The following GAREM2 variants were observed in gnomAD, a reference collection of about 807,000 sequenced individuals.
The protein encoded by GAREM2 is GRB2 associated regulator of MAPK1 subtype 2, also known as GRB2-associated and regulator of MAPK protein 2.
Under a neutral mutation model 55.6 loss-of-function variants are expected in GAREM2, and 30 were observed. That is an observed-to-expected ratio of 0.54 (90% CI 0.40 to 0.73). The LOEUF (loss-of-function observed/expected upper bound fraction) is 0.73, where lower values mean the gene tolerates loss of function less well. Among genes scored for constraint, GAREM2 ranks in the 30% least tolerant of loss-of-function variants. The pLI is 0.00. For synonymous variants in GAREM2, 550 were observed against 569.1 expected (o/e 0.97, Z 0.48); for missense variants, 1,075 against 1,257.7 (o/e 0.85, Z 2.20).
intron 2 of GAREM2, among the ~76,000 whole-genome samples, chr2:26,180,140 C>T (rs1049142264): frequency 5.3e-5 from 8 of 152,144 alleles, no homozygotes; most frequent in Admixed American, 1.3e-4. Context: ...GGGGCTCCCC[C>T]GCCAGCGTTC....
In GAREM2 at chr2:26,185,022, C is replaced by G. The variant is rs1307973165; in HGVS notation, c.1174C>G (p.Arg392Gly). The G allele has an allele frequency of 8.9e-7, 1 of 1,118,126 alleles. No homozygotes were observed. The highest frequency in any genetic ancestry group is 1.1e-6 in the Non-Finnish European group (1 of 915,934). 69.3% of individuals were successfully genotyped at this position (1,118,126 alleles called of 1,614,324 possible). Residue 392 changes from arginine to glycine, a missense_variant, in exon 4 of 6, where the codon CGC becomes GGC. Physicochemically the swap from Arg to Gly is moderately radical, Grantham distance 125. Around this residue, in one of 6 missense-constraint regions of GAREM2, gnomAD observed 515 missense variants for 501.5 expected, o/e 1.03. Transcript: ENST00000401533. ...LPAPRAPGLA[R>G]APGPLAPAPA... Reference sequence around the variant, plus strand: ...CGCGCCGCGCGCCCCCGGGCTCGCCCGCGCCCCCGGCCCGCTAGCGCCGGC... The same window carrying G: ...CGCGCCGCGCGCCCCCGGGCTCGCCGGCGCCCCCGGCCCGCTAGCGCCGGC...
Position 26,187,957 on chromosome 2 carries a change from AG to A in GAREM2, c.2328del (p.Arg777AlafsTer52), listed in dbSNP as rs1669343292. On this transcript the variant is annotated frameshift_variant, in exon 6 of 6. Transcript: ENST00000401533. LOFTEE classifies it high-confidence loss of function. ...EAGGALFLTQ[G>X]RLEGPPASPR... ...CGGGAGGAGCACTTTTTCTAACCCA[AG>A]GGCGCCTGGAAGGGCCTCCTGCCAG... 6.9e-7 allele frequency: 1 copy of A among 1,453,472 alleles called. No homozygotes were observed. 90.0% of individuals were successfully genotyped at this position (1,453,472 alleles called of 1,614,324 possible). A position where few individuals can be genotyped will look rare whatever the true frequency, so the allele number is the denominator to read the frequency against.
chr2:26,202,568 C>T, the GAREM2 span, among the ~76,000 whole-genome samples: 16 of 152,246 alleles, frequency 1.1e-4, no homozygotes, highest in East Asian at 3.1e-3. Flanking sequence ...TGGTGAAATC[C>T]CGTCTCTATA....
intron 1 of GAREM2, among the ~76,000 whole-genome samples, chr2:26,175,285 G>A (rs1422852835): frequency 3.3e-5 from 5 of 152,164 alleles, no homozygotes; most frequent in Non-Finnish European, 7.4e-5. Flanking sequence ...TGGAAGCTGG[G>A]CTGCCCCTCC....
chr2:26,176,367 G>C lies in GAREM2; in HGVS notation c.136G>C (p.Glu46Gln). 4.5e-6 allele frequency: 7 copies of C among 1,547,976 alleles called. No individual in the cohort carries two copies. The highest frequency in any genetic ancestry group is 6.1e-6 in the Non-Finnish European group (7 of 1,144,910). The stretch of plus-strand genomic sequence containing the variant: ...AGGGGAGTACGCCGAGGGCGTCAGT[G>C]AGCGAGACATCCTGCTCATCCACTC... ...GPGEYAEGVSERDILLIHSCR... is the reference protein window; with the variant it reads ...GPGEYAEGVSQRDILLIHSCR... The change falls in exon 2 of 6, where the codon GAG becomes CAG. Residue 46 changes from glutamate to glutamine, a missense_variant. Glu to Gln is a conservative substitution (Grantham distance 29). Coordinates refer to ENST00000401533, the MANE Select transcript of GAREM2 (RefSeq NM_001168241.2).
chr2:26,191,618 CG>C (rs1669507506), downstream of GAREM2: 3 of 1,614,076 alleles, frequency 1.9e-6, no homozygotes, highest in Non-Finnish European at 2.5e-6. Flanking sequence ...TGGATGTCTT[CG>C]TCTGATGAGC....
chr2:26,185,913 A>G (rs949858154), intron 4 of GAREM2, among the ~76,000 whole-genome samples: 1 of 151,802 alleles, frequency 6.6e-6, no homozygotes, highest in Non-Finnish European at 1.5e-5. Flanking sequence ...GTTTTGATCT[A>G]CCTTTGTGTT....
chr2:26,198,377 T>TG, the GAREM2 span, among the ~76,000 whole-genome samples: 4 of 151,358 alleles, frequency 2.6e-5, no homozygotes, highest in Admixed American at 1.3e-4. Context: ...ATGTTTTTTT[T>TG]TTGTTTTTTT....
chr2:26,197,666 G>C, the GAREM2 span: 1 of 1,023,478 alleles, frequency 9.8e-7, no homozygotes, highest in Non-Finnish European at 1.6e-6. Flanking sequence ...AAACATCTCA[G>C]GGTTTTTCTC....
chr2:26,173,367 G>C, intron 1 of GAREM2, 35 bp downstream of exon 1: 1 of 1,204,242 alleles, frequency 8.3e-7, no homozygotes, highest in Non-Finnish European at 1.1e-6. Context: ...ACCGGGGTCC[G>C]CGGGGAAATG....
At chr2:26,192,183 A>G, downstream of GAREM2, 1 of 659,294 alleles carries the variant, frequency 1.5e-6, no homozygotes, top group Non-Finnish European at 2.7e-6. Context: ...ATACCTATGT[A>G]ACAAACCTGC....
chr2:26,193,838 G>T, downstream of GAREM2: 2 of 1,269,666 alleles, frequency 1.6e-6, no homozygotes, highest in Non-Finnish European at 2.3e-6. Context: ...AGGGCTCCCT[G>T]TACTGGCTCC....
At chr2:26,190,260 G>A (rs908186028), downstream of GAREM2, among the ~76,000 whole-genome samples, 1 of 152,216 alleles carries the variant, frequency 6.6e-6, no homozygotes, top group African/African-American at 2.4e-5. Flanking sequence ...AATGCAGAAT[G>A]TGATGGGACT....
chr2:26,184,837 T>A lies in GAREM2; in HGVS notation c.989T>A (p.Leu330Gln), dbSNP rs1220845225. 2 of 1,480,654 alleles carry A rather than the reference T, an allele frequency of 1.4e-6. No homozygotes were observed. 91.7% of individuals were successfully genotyped at this position (1,480,654 alleles called of 1,614,324 possible). ...CCGCGCTTCGCGCTGCCGCAGGGCC[T>A]GCTGGCCGGGGACCCGCGCGTCGAG... ...DTPRFALPQGLLAGDPRVERL... is the reference protein window; with the variant it reads ...DTPRFALPQGQLAGDPRVERL... The change falls in exon 4 of 6, where the codon CTG (leucine) becomes CAG (glutamine). Residue 330 changes from leucine (L) to glutamine (Q), a missense_variant. Leu to Gln is a moderately radical substitution (Grantham distance 113). Around this residue, in one of 6 missense-constraint regions of GAREM2, gnomAD observed 170 missense variants for 220.7 expected, o/e 0.77. Coordinates refer to ENST00000401533, the MANE Select transcript of GAREM2 (RefSeq NM_001168241.2).
chr2:26,191,219 G>C (rs772715149), downstream of GAREM2: 6 of 1,608,276 alleles, frequency 3.7e-6, no homozygotes, highest in Non-Finnish European at 4.3e-6. Flanking sequence ...GCTGGGGTTA[G>C]TGCACTGACT....
In GAREM2 at chr2:26,184,806, G is replaced by A; in HGVS notation, c.958G>A (p.Asp320Asn). Residue 320 changes from aspartate to asparagine, a missense_variant, in exon 4 of 6, where the codon GAC (aspartate) becomes AAC (asparagine). Coordinates refer to ENST00000401533, the MANE Select transcript of GAREM2 (RefSeq NM_001168241.2). ...GCCGCTGCACTTCCTGCTGCTCACG[G>A]ACACGCCGCGCTTCGCGCTGCCGCA... ...PAPLHFLLLT[D>N]TPRFALPQGL... 6.7e-7 allele frequency: 1 copy of A among 1,491,972 alleles called. No homozygotes were observed. The allele number at this position is 1,491,972 out of a possible 1,614,324, so 92.4% of individuals were successfully genotyped here.
chr2:26,187,972 G>T lies in GAREM2; in HGVS notation c.2340G>T (p.Gly780=). Residue 780 remains glycine, a synonymous_variant, in exon 6 of 6, where the codon GGG becomes GGT. Coordinates refer to ENST00000401533, the MANE Select transcript of GAREM2 (RefSeq NM_001168241.2). ...TTCTAACCCAAGGGCGCCTGGAAGG[G>T]CCTCCTGCCAGTCCCCGGGATGGAG... ...ALFLTQGRLE[G]PPASPRDGAT... 1 of 1,458,038 alleles carries T rather than the reference G, an allele frequency of 6.9e-7. No individual in the cohort carries two copies. Among genetic ancestry groups the T allele is most frequent in the Non-Finnish European group, 9.1e-7 (1 of 1,100,236 alleles). 90.3% of individuals were successfully genotyped at this position (1,458,038 alleles called of 1,614,324 possible). A position where few individuals can be genotyped will look rare whatever the true frequency, so the allele number is the denominator to read the frequency against.
chr2:26,197,920 A>G, the GAREM2 span: 7 of 710,542 alleles, frequency 9.9e-6, no homozygotes, highest in African/African-American at 1.7e-5. Flanking sequence ...TCACCCAGAC[A>G]TTGACGGATC....
At chr2:26,197,876 T>C in the GAREM2 span, 1 of 758,140 alleles carries the variant, frequency 1.3e-6, no homozygotes, top group Non-Finnish European at 2.5e-6. Flanking sequence ...CAGCCCACTC[T>C]GTCCCCCACA....
Sources: allele counts gnomAD v4.1 joint callset (sites outside exome capture counted in the v4.1 genomes callset), GRCh38; gene constraint gnomAD v4.1.1; regional missense constraint gnomAD v4.1.1; transcripts MANE v1.5; gene names NCBI Gene and HGNC (gene_info 2026-07-23, HGNC 2026-07-21).